Variants in DAAM1 observed in about 807,000 individuals in gnomAD.
The protein encoded by DAAM1 is disheveled-associated activator of morphogenesis 1.
DAAM1 carries 52 observed loss-of-function variants against 130.0 expected under a neutral mutation model. That is an observed-to-expected ratio of 0.40 (90% CI 0.32 to 0.50). The LOEUF (loss-of-function observed/expected upper bound fraction) is 0.50. Among genes scored for constraint, DAAM1 ranks in the 20% least tolerant of loss-of-function variants. The pLI, the probability that DAAM1 is intolerant of heterozygous loss-of-function variation, is 0.61. For synonymous variants in DAAM1, 452 were observed against 444.5 expected (o/e 1.02, Z -0.21); for missense variants, 1,134 against 1,303.8 (o/e 0.87, Z 2.01).
At chr14:59,266,323 C>G (rs886676855) in intron 2 of DAAM1, among the ~76,000 whole-genome samples, 1 of 152,002 alleles carries the variant, frequency 6.6e-6, no homozygotes, top group Non-Finnish European at 1.5e-5. Flanking sequence ...GGTAGTAGAG[C>G]TGGTAGGCAG....
At chr14:59,317,026 C>G (rs539280104) in intron 4 of DAAM1, among the ~76,000 whole-genome samples, 2 of 152,198 alleles carry the variant, frequency 1.3e-5, no homozygotes, top group Admixed American at 6.5e-5. Context: ...TGTGGCCCTT[C>G]TTTAAGGGCC....
At chr14:59,346,115 A>T (rs1209223967) in intron 16 of DAAM1, among the ~76,000 whole-genome samples, 2 of 131,492 alleles carry the variant, frequency 1.5e-5, no homozygotes, top group African/African-American at 5.5e-5. Context: ...ATGTGCACAC[A>T]TACAAACACA....
chr14:59,260,426 T>G (rs1882114353), intron 1 of DAAM1, among the ~76,000 whole-genome samples: 1 of 152,220 alleles, frequency 6.6e-6, no homozygotes, highest in Admixed American at 6.5e-5. Flanking sequence ...ATTTATTTTG[T>G]CCTTTTATCC....
At chr14:59,288,987 G>A (rs563553135) in intron 2 of DAAM1, among the ~76,000 whole-genome samples, 54 of 152,200 alleles carry the variant, frequency 3.5e-4, no homozygotes, top group African/African-American at 1.2e-3. Context: ...CACAATCTCC[G>A]CTCACTGCAA....
At chr14:59,207,150 T>G (rs1888284595) in intron 1 of DAAM1, among the ~76,000 whole-genome samples, 1 of 152,242 alleles carries the variant, frequency 6.6e-6, no homozygotes, top group African/African-American at 2.4e-5. Context: ...GTATCTGTCA[T>G]CTATCCACAA....
chr14:59,353,718 C>T (rs1439886390), intron 18 of DAAM1, among the ~76,000 whole-genome samples, 158 bp from the exon 19 acceptor site: 1 of 152,078 alleles, frequency 6.6e-6, no homozygotes, highest in Non-Finnish European at 1.5e-5. Context: ...GGCTTAATGT[C>T]CTGTGTTCCT....
chr14:59,211,411 A>G (rs1229391923), intron 1 of DAAM1, among the ~76,000 whole-genome samples: 1 of 152,124 alleles, frequency 6.6e-6, no homozygotes, highest in Non-Finnish European at 1.5e-5. Flanking sequence ...GTCCCTGTGC[A>G]TTTGTTTGGG....
At chr14:59,284,945 A>G (rs938485483) in intron 2 of DAAM1, among the ~76,000 whole-genome samples, 1 of 152,144 alleles carries the variant, frequency 6.6e-6, no homozygotes, top group Non-Finnish European at 1.5e-5. Flanking sequence ...GTGCAAATTC[A>G]AGAAATTCAG....
intron 15 of DAAM1, chr14:59,338,281 A>G (rs1958180): frequency 0.21 from 242,748 of 1,148,220 alleles, 27,517 homozygotes; most frequent in East Asian, 0.3. Context: ...CTTACCCTAC[A>G]TCACTTGTTT....
At chr14:59,328,808 A>G (rs535710298) in intron 12 of DAAM1, among the ~76,000 whole-genome samples, 12 of 152,354 alleles carry the variant, frequency 7.9e-5, no homozygotes, top group South Asian at 4.1e-4. Context: ...AGTGGGAGGA[A>G]CAGGTTGTTT....
At chr14:59,240,062 G>A (rs1435386727) in intron 1 of DAAM1, among the ~76,000 whole-genome samples, 2 of 152,112 alleles carry the variant, frequency 1.3e-5, no homozygotes, top group Non-Finnish European at 2.9e-5. Flanking sequence ...AGACATTTGT[G>A]TTTGGATTTA....
At chr14:59,326,104 T>TGG in intron 10 of DAAM1, 27 bp downstream of exon 10, 1 of 1,594,768 alleles carries the variant, frequency 6.3e-7, no homozygotes, top group Non-Finnish European at 8.6e-7. Context: ...CTCACATGTG[T>TGG]GCTTCTGAAT....
chr14:59,232,743 G>A (rs898733379), intron 1 of DAAM1, among the ~76,000 whole-genome samples: 1 of 151,692 alleles, frequency 6.6e-6, no homozygotes, highest in Non-Finnish European at 1.5e-5. Flanking sequence ...TGTCATCGAG[G>A]TTTTGAGTCC....
At chr14:59,194,016 T>A (rs1216718729) in intron 1 of DAAM1, among the ~76,000 whole-genome samples, 1 of 152,196 alleles carries the variant, frequency 6.6e-6, no homozygotes, top group Non-Finnish European at 1.5e-5. Context: ...ATTGCCATGT[T>A]CTAGATGAGG....
At chr14:59,210,562 A>G (rs1012771604) in intron 1 of DAAM1, among the ~76,000 whole-genome samples, 1 of 152,222 alleles carries the variant, frequency 6.6e-6, no homozygotes, top group African/African-American at 2.4e-5. Context: ...GATCTAAAAT[A>G]TTTCTCTGTG....
At chr14:59,206,362 G>A (rs890614809) in intron 1 of DAAM1, among the ~76,000 whole-genome samples, 2 of 151,790 alleles carry the variant, frequency 1.3e-5, no homozygotes, top group Admixed American at 6.6e-5. Flanking sequence ...TGCAAGCTCC[G>A]CCTCCCAGGT....
chr14:59,264,526 G>GT (rs1555359007), intron 2 of DAAM1: 21 of 152,206 alleles, frequency 1.4e-4, no homozygotes, highest in Non-Finnish European at 3.1e-4. Context: ...AGTGAGAACA[G>GT]CACACAGTGG....
At chr14:59,232,955 C>T (rs1306027781) in intron 1 of DAAM1, among the ~76,000 whole-genome samples, 1 of 152,166 alleles carries the variant, frequency 6.6e-6, no homozygotes, top group Non-Finnish European at 1.5e-5. Flanking sequence ...ATCCATGTCC[C>T]TGCAAAGGAC....
At chr14:59,279,972 CAT>C (rs1211752079) in intron 2 of DAAM1, among the ~76,000 whole-genome samples, 23 of 152,052 alleles carry the variant, frequency 1.5e-4, no homozygotes, top group Admixed American at 1.3e-3. Context: ...GGCCAGTAAA[CAT>C]GTGAAAAGTT....
Sources: gnomAD v4.1 joint callset for allele counts (sites outside exome capture counted in the v4.1 genomes callset) on GRCh38, gnomAD v4.1.1 for gene constraint, MANE v1.5 for transcripts, NCBI Gene and HGNC (gene_info 2026-07-23, HGNC 2026-07-21) for gene names.